WIPF3: variants seen among roughly 807,000 people sequenced by gnomAD.
WIPF3 encodes WAS/WASL interacting protein family member 3.
In WIPF3, 33 loss-of-function variants were observed where a neutral mutation model predicts 38.9. The observed-to-expected ratio is 0.85, with a 90% CI of 0.64 to 1.14. WIPF3 has a LOEUF of 1.14. Ranked by LOEUF, WIPF3 falls within the 50% of genes most tolerant of loss-of-function variation. The pLI, the probability that WIPF3 is intolerant of heterozygous loss-of-function variation, is 0.00. For missense variants in WIPF3, 711 were observed against 652.5 expected, an observed-to-expected ratio of 1.09 and a Z score of -0.98; for synonymous variants, 324 against 269.3, an observed-to-expected ratio of 1.20 and a Z score of -1.99.
chr7:29,889,014 C>T (rs1785950494), intron 6 of WIPF3, among the ~76,000 whole-genome samples: 1 of 152,164 alleles, frequency 6.6e-6, no homozygotes. Context: ...CATGCCACTT[C>T]CACCCCTTTA....
intron 2 of WIPF3, among the ~76,000 whole-genome samples, chr7:29,841,352 C>T (rs1256805988): frequency 3.9e-5 from 6 of 152,154 alleles, no homozygotes; most frequent in Non-Finnish European, 4.4e-5. Context: ...CGCTGATGAG[C>T]ATCTTTTCTT....
intron 4 of WIPF3, among the ~76,000 whole-genome samples, chr7:29,883,332 A>G (rs897871595): frequency 2.6e-5 from 4 of 152,204 alleles, no homozygotes; most frequent in African/African-American, 9.6e-5. Context: ...TACCTTATGT[A>G]TTCAGGGAAT....
chr7:29,813,070 G>A (rs560774994), intron 1 of WIPF3, among the ~76,000 whole-genome samples: 18 of 152,142 alleles, frequency 1.2e-4, no homozygotes, highest in Admixed American at 5.9e-4. Context: ...TCTCTCCTCC[G>A]TCTCGTTTAA....
At chr7:29,825,063 A>G (rs751405059) in intron 1 of WIPF3, among the ~76,000 whole-genome samples, 1 of 152,222 alleles carries the variant, frequency 6.6e-6, no homozygotes, top group Non-Finnish European at 1.5e-5. Flanking sequence ...TACAACGTGA[A>G]AAGTTACCAC....
chr7:29,850,538 C>T (rs766475887), intron 2 of WIPF3, among the ~76,000 whole-genome samples: 52 of 152,248 alleles, frequency 3.4e-4, no homozygotes, highest in Non-Finnish European at 5.7e-4. Flanking sequence ...TGTGGTTACA[C>T]AGGGCAGGGC....
At chr7:29,900,208 ATTACAGGT>A (rs1562790301) in intron 7 of WIPF3, among the ~76,000 whole-genome samples, 1 of 152,230 alleles carries the variant, frequency 6.6e-6, no homozygotes, top group Non-Finnish European at 1.5e-5. Context: ...AAGTGCTGGG[ATTACAGGT>A]GTGAGCCACT....
chr7:29,809,295 G>T (rs1178619092), intron 1 of WIPF3, among the ~76,000 whole-genome samples: 1 of 152,204 alleles, frequency 6.6e-6, no homozygotes, highest in Non-Finnish European at 1.5e-5. Context: ...TTGGTGTAAA[G>T]AACGTGGGTT....
At chr7:29,909,169 G>C (rs1020000043) in intron 8 of WIPF3, among the ~76,000 whole-genome samples, 17 of 152,124 alleles carry the variant, frequency 1.1e-4, no homozygotes, top group Admixed American at 6.5e-4. Context: ...GAGATTTATA[G>C]CTATAAATTG....
intron 1 of WIPF3, among the ~76,000 whole-genome samples, chr7:29,813,571 C>T (rs1784413797): frequency 1.3e-5 from 2 of 152,200 alleles, no homozygotes; most frequent in Non-Finnish European, 2.9e-5. Flanking sequence ...TGTATGCTTC[C>T]AAACTATTTT....
At chr7:29,824,856 A>G (rs1227465223) in intron 1 of WIPF3, among the ~76,000 whole-genome samples, 2 of 152,178 alleles carry the variant, frequency 1.3e-5, no homozygotes, top group Non-Finnish European at 2.9e-5. Flanking sequence ...CCTAACTTCA[A>G]ACTGGATGAG....
intron 7 of WIPF3, among the ~76,000 whole-genome samples, chr7:29,902,473 T>G (rs1211136337): frequency 6.6e-6 from 1 of 152,070 alleles, no homozygotes; most frequent in Non-Finnish European, 1.5e-5. Flanking sequence ...ATTTAAAAAA[T>G]TGTACCTTAC....
chr7:29,854,234 TAAG>T, intron 2 of WIPF3, among the ~76,000 whole-genome samples: 1 of 152,352 alleles, frequency 6.6e-6, no homozygotes, highest in South Asian at 2.1e-4. Flanking sequence ...GGCATTAATG[TAAG>T]AAGAATTTTA....
At chr7:29,886,133 C>T (rs188740597) in intron 5 of WIPF3, among the ~76,000 whole-genome samples, 4 of 151,844 alleles carry the variant, frequency 2.6e-5, no homozygotes, top group African/African-American at 4.8e-5. Flanking sequence ...TTTTAATCCA[C>T]GTTTTTGATA....
rs56031034 is a variant in WIPF3, at chr7:29,833,268, A to G, written c.-57-1400A>G. Reference sequence around the variant, plus strand: ...TGATGCTGGTTGCACAGCATTGTGAATGCACTTAACGCCACTGAATTGTAT... The same window carrying G: ...TGATGCTGGTTGCACAGCATTGTGAGTGCACTTAACGCCACTGAATTGTAT... On this transcript the variant is annotated intron_variant, in intron 1 of 8. Transcript: ENST00000242140. Among the ~76,000 whole-genome samples, 424 of 152,332 alleles carry G rather than the reference A, an allele frequency of 2.8e-3. 3 individuals are homozygous for G. The highest frequency in any genetic ancestry group is 3.5e-3 in the Non-Finnish European group (238 of 68,010).
chr7:29,862,936 T>C (rs1271943481), intron 2 of WIPF3, among the ~76,000 whole-genome samples: 1 of 152,230 alleles, frequency 6.6e-6, no homozygotes, highest in Admixed American at 6.5e-5. Context: ...GGTCAGCTTT[T>C]GACAGCATTC....
chr7:29,901,951 C>T (rs1786290612), intron 7 of WIPF3, among the ~76,000 whole-genome samples: 1 of 151,976 alleles, frequency 6.6e-6, no homozygotes, highest in Non-Finnish European at 1.5e-5. Context: ...ATTTTGCCTC[C>T]CAGGAGACAT....
At chr7:29,912,239 C>T (rs1268208633) in intron 8 of WIPF3, among the ~76,000 whole-genome samples, 1 of 152,156 alleles carries the variant, frequency 6.6e-6, no homozygotes, top group East Asian at 1.9e-4. Flanking sequence ...CCACCTCATA[C>T]ACATCAAGAC....
Position 29,855,380 on chromosome 7 carries a change from G to T in WIPF3, c.91-20450G>T, listed in dbSNP as rs149102486. Among the ~76,000 whole-genome samples, 870 of 152,348 alleles carry T rather than the reference G, an allele frequency of 5.7e-3. 9 individuals carry two copies. Among genetic ancestry groups the T allele is most frequent in the African/African-American group, 0.019 (797 of 41,574 alleles). ...AGCCTTTTAGGGCTTTGCTTCTAATGACATAAATTGCTGAGTGTGCTGCAG... is the reference window on the plus strand; with the variant it reads ...AGCCTTTTAGGGCTTTGCTTCTAATTACATAAATTGCTGAGTGTGCTGCAG... On this transcript the variant is annotated intron_variant, in intron 2 of 8. Coordinates refer to ENST00000242140, the MANE Select transcript of WIPF3 (RefSeq NM_001080529.3).
chr7:29,854,210 C>T (rs988551227), intron 2 of WIPF3, among the ~76,000 whole-genome samples: 4 of 152,212 alleles, frequency 2.6e-5, no homozygotes, highest in African/African-American at 7.2e-5. Flanking sequence ...ACAGCCTAGC[C>T]ACCTGCTGCT....
Sources: gnomAD v4.1 joint callset for allele counts (sites outside exome capture counted in the v4.1 genomes callset) on GRCh38, gnomAD v4.1.1 for gene constraint, MANE v1.5 for transcripts, NCBI Gene and HGNC (gene_info 2026-07-23, HGNC 2026-07-21) for gene names.